PCDHGB3: variants seen among roughly 807,000 people sequenced by gnomAD.
PCDHGB3 encodes the protein protocadherin gamma subfamily B, 3, also known as protocadherin gamma-B3.
In PCDHGB3, 40 loss-of-function variants were observed where a neutral mutation model predicts 59.2. The observed-to-expected ratio is 0.68, with a 90% CI of 0.52 to 0.88. PCDHGB3 has a LOEUF of 0.88. Ranked by LOEUF, PCDHGB3 falls within the 40% of genes least tolerant of loss-of-function variation. The probability of loss-of-function intolerance (pLI) is 0.00; values close to 1 mark genes in which losing one functional copy is unlikely to be tolerated. For missense variants in PCDHGB3, 1,309 were observed against 1,187.9 expected (o/e 1.10, Z -1.50); for synonymous variants, 581 against 503.6 (o/e 1.15, Z -2.06).
At chr5:141,412,861 A>T (rs925106716) in intron 1 of PCDHGB3, 19 of 235,604 alleles carry the variant, frequency 8.1e-5, no homozygotes, top group African/African-American at 3.4e-4. Context: ...CAAAGAATCT[A>T]TGTAAAATAT....
chr5:141,430,766 C>T, intron 1 of PCDHGB3: 1 of 1,504,534 alleles, frequency 6.6e-7, no homozygotes, highest in Non-Finnish European at 8.9e-7. Context: ...AAGAATGATT[C>T]CTGCGCGACT....
At chr5:141,505,121 C>A (rs1194549194) in intron 2 of PCDHGB3, among the ~76,000 whole-genome samples, 1 of 152,168 alleles carries the variant, frequency 6.6e-6, no homozygotes, top group Non-Finnish European at 1.5e-5. Context: ...AAGATCGCGC[C>A]ACTGCACTCC....
At position 141,477,023 on chromosome 5, in the gene PCDHGB3, A is replaced by T. The variant is rs763926460; in HGVS notation, c.2416-17784A>T. ...ATTCGCCTTAGACCTTGTAACCGGG[A>T]TGCTGACAATCAAGGGTCGGCTGGA... is the stretch of plus-strand genomic sequence containing the variant. On this transcript the variant is annotated intron_variant, in intron 1 of 3. Transcript: ENST00000576222. The surrounding 1 kb of genome is among the most constrained non-coding windows in gnomAD (Gnocchi z 4.9). 6.2e-7 allele frequency: 1 copy of T among 1,614,240 alleles called. No homozygotes were observed. The highest frequency in any genetic ancestry group is 8.5e-7 in the Non-Finnish European group (1 of 1,180,040).
chr5:141,394,239 G>T (rs530540432), intron 1 of PCDHGB3: 1 of 1,613,750 alleles, frequency 6.2e-7, no homozygotes, highest in Non-Finnish European at 8.5e-7. Flanking sequence ...TTCCTTGACT[G>T]CACACGACCC....
At chr5:141,380,313 G>A (rs535275197) in intron 1 of PCDHGB3, among the ~76,000 whole-genome samples, 53 of 152,244 alleles carry the variant, frequency 3.5e-4, no homozygotes, top group Non-Finnish European at 5.4e-4. Flanking sequence ...GCTTGAGAAT[G>A]AAAATCTAAA....
chr5:141,375,892 G>T (rs753797132), intron 1 of PCDHGB3: 1 of 1,613,794 alleles, frequency 6.2e-7, no homozygotes, highest in African/African-American at 1.3e-5. Context: ...AGAACGCCTG[G>T]CTGTCCTACC....
intron 1 of PCDHGB3, among the ~76,000 whole-genome samples, chr5:141,435,652 G>C (rs978809372): frequency 6.6e-6 from 1 of 152,108 alleles, no homozygotes; most frequent in Non-Finnish European, 1.5e-5. Context: ...TTTCTGAAAC[G>C]TGCACAGATT....
At chr5:141,427,422 G>C (rs922637577) in intron 1 of PCDHGB3, 1 of 468,292 alleles carries the variant, frequency 2.1e-6, no homozygotes, top group Non-Finnish European at 4.3e-6. Context: ...AAATGGGGAG[G>C]TTACATGCCT....
chr5:141,431,320 C>T lies in PCDHGB3; in HGVS notation c.2415+58511C>T. On this transcript the variant is annotated intron_variant, in intron 1 of 3. Coordinates refer to ENST00000576222, the MANE Select transcript of PCDHGB3 (RefSeq NM_018924.5). The surrounding 1 kb of genome is among the most constrained non-coding windows in gnomAD (Gnocchi z 4.8). ...CCCTCATCGTGCAAAATGGAGCCGA[C>T]GGTAGTAAGTACCCCGAATTGGTGC... is the stretch of plus-strand genomic sequence containing the variant. 1 of 1,614,102 alleles carries T rather than the reference C, an allele frequency of 6.2e-7. No homozygotes were observed. Among genetic ancestry groups the T allele is most frequent in the Non-Finnish European group, 8.5e-7 (1 of 1,180,038 alleles).
chr5:141,488,681 C>G, intron 1 of PCDHGB3, among the ~76,000 whole-genome samples: 1 of 152,204 alleles, frequency 6.6e-6, no homozygotes, highest in East Asian at 1.9e-4. Flanking sequence ...GGCTTTGCCT[C>G]TCCCAGAAGG....
chr5:141,374,152 G>T (rs1190094932), intron 1 of PCDHGB3: 1 of 1,612,132 alleles, frequency 6.2e-7, no homozygotes. Context: ...TGGGGACGCT[G>T]TGGGGGGCCG....
chr5:141,420,123 G>A (rs1335693841), intron 1 of PCDHGB3: 1 of 1,613,968 alleles, frequency 6.2e-7, no homozygotes, highest in Non-Finnish European at 8.5e-7. Flanking sequence ...TATAATTTTT[G>A]TGTGCCTGGG....
rs759899934 is a variant in PCDHGB3, at chr5:141,421,255, C to G, written c.2415+48446C>G. The stretch of plus-strand genomic sequence containing the variant: ...GGCGAATCGGCTACAGCGCGGGGAC[C>G]GCAGTCGGCTGCTGCTGCTGCTGTG... On this transcript the variant is annotated intron_variant, in intron 1 of 3. Coordinates refer to ENST00000576222, the MANE Select transcript of PCDHGB3 (RefSeq NM_018924.5). The G allele has an allele frequency of 6.0e-5, 97 of 1,607,644 alleles. No individual in the cohort carries two copies. Among genetic ancestry groups the G allele is most frequent in the Middle Eastern group, 3.3e-4 (2 of 6,058 alleles).
Position 141,485,844 on chromosome 5 carries a change from G to T in PCDHGB3, c.2416-8963G>T. On this transcript the variant is annotated intron_variant, in intron 1 of 3. Transcript: ENST00000576222. This position sits in a 1 kb window ranked among gnomAD's most constrained non-coding sequence, Gnocchi z 5.7. ...GATGGAGGGAACCCGCCGAGATCTG[G>T]CACCGCAGAGCTCCGGGTATCCGTG... The T allele has an allele frequency of 1.9e-6, 3 of 1,613,890 alleles. 1 individual carries two copies. The South Asian group carries it at 3.3e-5, about 18-fold the overall frequency.
In PCDHGB3 at chr5:141,491,759, G is replaced by C. The variant is rs746395685; in HGVS notation, c.2416-3048G>C. 3 of 1,575,392 alleles carry C rather than the reference G, an allele frequency of 1.9e-6. No individual in the cohort carries two copies. Among genetic ancestry groups the C allele is most frequent in the Non-Finnish European group, 2.6e-6 (3 of 1,161,808 alleles). ...GGGGGCGGCACTGGAGAAGCCGCCC[G>C]TCCTCATAAGGGATTGAACTTGCAT... On this transcript the variant is annotated intron_variant, in intron 1 of 3. Coordinates refer to ENST00000576222, the MANE Select transcript of PCDHGB3 (RefSeq NM_018924.5). The surrounding 1 kb of genome is among the most constrained non-coding windows in gnomAD (Gnocchi z 6.9).
At chr5:141,419,849 T>C in intron 1 of PCDHGB3, 1 of 1,614,040 alleles carries the variant, frequency 6.2e-7, no homozygotes, top group East Asian at 2.2e-5. Context: ...GCACCTGGTG[T>C]TCGCAGATAG....
At chr5:141,499,186 T>A (rs1332703037) in intron 2 of PCDHGB3, among the ~76,000 whole-genome samples, 2 of 152,036 alleles carry the variant, frequency 1.3e-5, no homozygotes, top group Non-Finnish European at 2.9e-5. Context: ...AGCAAACCAT[T>A]TCCCCCTTCT....
chr5:141,407,616 C>T (rs752226894), intron 1 of PCDHGB3, among the ~76,000 whole-genome samples: 3 of 151,970 alleles, frequency 2.0e-5, no homozygotes, highest in Non-Finnish European at 4.4e-5. Flanking sequence ...CATTGGTTGA[C>T]ATTCTATATC....
intron 1 of PCDHGB3, chr5:141,376,551 C>T: frequency 6.2e-7 from 1 of 1,611,758 alleles, no homozygotes; most frequent in South Asian, 1.1e-5. Flanking sequence ...TCTGATCTTC[C>T]CGCAACCCAA....
Sources: allele counts gnomAD v4.1 joint callset (sites outside exome capture counted in the v4.1 genomes callset), GRCh38; gene constraint gnomAD v4.1.1; non-coding constraint Gnocchi (gnomAD v3.1); transcripts MANE v1.5; gene names NCBI Gene and HGNC (gene_info 2026-07-23, HGNC 2026-07-21).